BICC1: variants seen among roughly 807,000 people sequenced by gnomAD.
BICC1 encodes the protein protein bicaudal C homolog 1.
In BICC1, 43 loss-of-function variants were observed where a neutral mutation model predicts 111.0. That is an observed-to-expected ratio of 0.39 (90% CI 0.30 to 0.50). BICC1 has a LOEUF of 0.50. Ranked by LOEUF, BICC1 falls within the 20% of genes least tolerant of loss-of-function variation. The pLI is 0.88. For missense variants in BICC1, 1,091 were observed against 1,203.2 expected (o/e 0.91, Z 1.38); for synonymous variants, 467 against 434.4 (o/e 1.07, Z -0.93).
intron 2 of BICC1, among the ~76,000 whole-genome samples, chr10:58,642,526 G>A (rs1838153598): frequency 6.6e-6 from 1 of 152,092 alleles, no homozygotes; most frequent in East Asian, 1.9e-4. Flanking sequence ...GCAAAACCGT[G>A]CCCTCAACGT....
intron 1 of BICC1, among the ~76,000 whole-genome samples, chr10:58,539,362 G>A (rs1233453067): frequency 6.6e-6 from 1 of 151,536 alleles, no homozygotes; most frequent in Admixed American, 6.6e-5. Flanking sequence ...ATACAGAGTG[G>A]TATAATGTAC....
At chr10:58,751,053 T>C (rs1402908391) in intron 3 of BICC1, among the ~76,000 whole-genome samples, 7 of 152,078 alleles carry the variant, frequency 4.6e-5, no homozygotes, top group African/African-American at 1.7e-4. Context: ...ACAGAGCTGA[T>C]TGAGTGGGTT....
chr10:58,586,213 A>C (rs1844421960), intron 1 of BICC1, among the ~76,000 whole-genome samples: 1 of 152,100 alleles, frequency 6.6e-6, no homozygotes, highest in African/African-American at 2.4e-5. Flanking sequence ...TCATCCATCC[A>C]TCCATCCATC....
rs538458324 is a variant in BICC1, at chr10:58,813,935, A to G, written c.2482A>G (p.Ser828Gly). 1.9e-5 allele frequency: 30 copies of G among 1,614,058 alleles called. No individual in the cohort carries two copies. In the South Asian group the frequency reaches 2.6e-4, roughly 14 times the overall value. Residue 828 changes from serine (S) to glycine (G), a missense_variant, in exon 18 of 21, where the codon AGT becomes GGT. Around this residue, in one of 3 missense-constraint regions of BICC1, gnomAD observed 231 missense variants for 256.2 expected, o/e 0.90. Transcript: ENST00000373886. Reference sequence around the variant, plus strand: ...AAATGGAATTGGACCTGGAAGTCATAGTGAATTTGCAGCTTCTATTGGCAG... The same window carrying G: ...AAATGGAATTGGACCTGGAAGTCATGGTGAATTTGCAGCTTCTATTGGCAG... ...DRNGIGPGSH[S>G]EFAASIGSPK...
chr10:58,796,316 T>C (rs754358158), intron 9 of BICC1, 24 bp from the exon 10 acceptor site: 18 of 1,605,906 alleles, frequency 1.1e-5, no homozygotes, highest in South Asian at 3.3e-5. Context: ...GTCACCTTTT[T>C]TCCCCCATTA....
chr10:58,542,127 G>C (rs1225030428), intron 1 of BICC1, among the ~76,000 whole-genome samples: 1 of 138,384 alleles, frequency 7.2e-6, no homozygotes, highest in African/African-American at 2.6e-5. Flanking sequence ...CTCCAGCCCA[G>C]GTGACAGAGC....
At chr10:58,687,589 C>G (rs568360191) in intron 2 of BICC1, among the ~76,000 whole-genome samples, 34 of 152,186 alleles carry the variant, frequency 2.2e-4, no homozygotes, top group Non-Finnish European at 4.7e-4. Context: ...CTTCCCCAGC[C>G]TCGCTGCCAC....
chr10:58,709,622 G>A (rs1392620096), intron 3 of BICC1, among the ~76,000 whole-genome samples: 2 of 152,174 alleles, frequency 1.3e-5, no homozygotes, highest in East Asian at 1.9e-4. Flanking sequence ...ATACAGATGG[G>A]AATGTATATC....
intron 2 of BICC1, among the ~76,000 whole-genome samples, chr10:58,664,888 T>C (rs1409851922): frequency 6.6e-6 from 1 of 152,202 alleles, no homozygotes; most frequent in Non-Finnish European, 1.5e-5. Flanking sequence ...TGAATTTTGC[T>C]GTTGCTGTAG....
chr10:58,577,680 C>T (rs1328088207), intron 1 of BICC1, among the ~76,000 whole-genome samples: 1 of 152,170 alleles, frequency 6.6e-6, no homozygotes, highest in Admixed American at 6.5e-5. Context: ...TCTGCTAGTT[C>T]TCTGCAATCT....
chr10:58,780,658 A>C (rs953916396), intron 3 of BICC1, among the ~76,000 whole-genome samples: 3 of 152,172 alleles, frequency 2.0e-5, no homozygotes, highest in African/African-American at 7.2e-5. Context: ...AGGAAGAGGC[A>C]GTAAAATATT....
rs1246519837 is a variant in BICC1 at position 58,522,880 on chromosome 10, C to T, written c.190+9547C>T. Among the ~76,000 whole-genome samples, 7 of 151,792 alleles carry T rather than the reference C, an allele frequency of 4.6e-5. No homozygotes were observed. In the South Asian group the frequency reaches 6.2e-4, roughly 14 times the overall value. ...AAAATGATAAAGGGGATATCACCAT[C>T]GATCCCACAGAACTACAGACTACCA... On this transcript the variant is annotated intron_variant, in intron 1 of 20. Coordinates refer to ENST00000373886, the MANE Select transcript of BICC1 (RefSeq NM_001080512.3).
intron 3 of BICC1, among the ~76,000 whole-genome samples, chr10:58,782,055 A>G (rs929919143): frequency 6.6e-6 from 1 of 152,062 alleles, no homozygotes; most frequent in Admixed American, 6.5e-5. Flanking sequence ...GCCCACTGAT[A>G]ATTTATATTT....
chr10:58,584,410 C>T (rs1402584649), intron 1 of BICC1, among the ~76,000 whole-genome samples: 1 of 152,080 alleles, frequency 6.6e-6, no homozygotes, highest in African/African-American at 2.4e-5. Context: ...TCTGGTGCCT[C>T]CTACTAAACT....
At chr10:58,826,403 C>T (rs922517435) in intron 20 of BICC1, among the ~76,000 whole-genome samples, 1 of 151,996 alleles carries the variant, frequency 6.6e-6, no homozygotes, top group Non-Finnish European at 1.5e-5. Flanking sequence ...GTTTTTAATG[C>T]AGATGTAAGT....
At chr10:58,585,971 G>A (rs1271846553) in intron 1 of BICC1, among the ~76,000 whole-genome samples, 2 of 152,088 alleles carry the variant, frequency 1.3e-5, no homozygotes, top group African/African-American at 4.8e-5. Flanking sequence ...AGCCACATGA[G>A]TAGCTAATAC....
chr10:58,796,431 T>C lies in BICC1; in HGVS notation c.1271T>C (p.Ile424Thr), dbSNP rs749000828. ...LLGLESSGVT[I>T]ATSPSPASCP... ...GGACTTGAAAGCAGTGGGGTTACCA[T>C]AGCAACCAGTCCATCCCCAGCATCC... Residue 424 changes from isoleucine (I) to threonine (T), a missense_variant, in exon 10 of 21, where the codon ATA becomes ACA. Physicochemically the swap from Ile to Thr is moderately conservative, Grantham distance 89. Coordinates refer to ENST00000373886, the MANE Select transcript of BICC1 (RefSeq NM_001080512.3). 9.9e-6 allele frequency: 16 copies of C among 1,614,104 alleles called. No individual in the cohort carries two copies. Among genetic ancestry groups the C allele is most frequent in the Admixed American group, 1.7e-5 (1 of 60,020 alleles).
chr10:58,768,560 C>G (rs912854973), intron 3 of BICC1, among the ~76,000 whole-genome samples: 3 of 151,996 alleles, frequency 2.0e-5, no homozygotes, highest in Admixed American at 6.6e-5. Flanking sequence ...TCAGAATACT[C>G]CAATATCCTA....
intron 3 of BICC1, among the ~76,000 whole-genome samples, chr10:58,729,375 C>G (rs1352517076): frequency 6.6e-6 from 1 of 152,194 alleles, no homozygotes; most frequent in Non-Finnish European, 1.5e-5. Flanking sequence ...ACCTGTCAGT[C>G]TTAGCCTCCA....
Sources: gnomAD v4.1 joint callset for allele counts (sites outside exome capture counted in the v4.1 genomes callset) on GRCh38, gnomAD v4.1.1 for gene constraint, gnomAD v4.1.1 regional missense constraint, MANE v1.5 for transcripts, NCBI Gene and HGNC (gene_info 2026-07-23, HGNC 2026-07-21) for gene names.